Variants in AKT3 observed in about 807,000 individuals in gnomAD.
AKT3 encodes AKT serine/threonine kinase 3.
Under a neutral mutation model 65.3 loss-of-function variants are expected in AKT3, and 15 were observed. The observed-to-expected ratio is 0.23, with a 90% CI of 0.15 to 0.35. The LOEUF (loss-of-function observed/expected upper bound fraction) is 0.35, where lower values mean the gene tolerates loss of function less well. AKT3 is among the 10% of genes least tolerant of loss of function. The pLI, the probability that AKT3 is intolerant of heterozygous loss-of-function variation, is 1.00. For synonymous variants in AKT3, 206 were observed against 183.8 expected, an observed-to-expected ratio of 1.12 and a Z score of -0.98; for missense variants, 243 against 576.5, an observed-to-expected ratio of 0.42 and a Z score of 5.92.
At chr1:243,743,446 G>A (rs1240948653) in intron 2 of AKT3, among the ~76,000 whole-genome samples, 1 of 152,058 alleles carries the variant, frequency 6.6e-6, no homozygotes, top group Non-Finnish European at 1.5e-5. Flanking sequence ...CACTCAGAAG[G>A]TAGCATTTGA....
At chr1:243,566,525 G>A (rs1674169445) in intron 9 of AKT3, among the ~76,000 whole-genome samples, 2 of 152,298 alleles carry the variant, frequency 1.3e-5, no homozygotes, top group South Asian at 4.1e-4. Context: ...GAGAGATGGG[G>A]TAAGGGTCAT....
intron 3 of AKT3, chr1:243,687,746 C>T (rs1230133886): frequency 1.3e-5 from 2 of 151,974 alleles, no homozygotes; most frequent in Non-Finnish European, 2.9e-5. Flanking sequence ...AAATATGTGA[C>T]ATTGTTACAT....
chr1:243,836,910 C>CAAA (rs779727098), intron 2 of AKT3, among the ~76,000 whole-genome samples: 1 of 56,906 alleles, frequency 1.8e-5, no homozygotes, highest in Non-Finnish European at 3.8e-5. Context: ...GACTCCATCT[C>CAAA]AAAAAAAAAA....
chr1:243,594,308 T>C (rs961684875), intron 8 of AKT3, among the ~76,000 whole-genome samples: 2 of 152,222 alleles, frequency 1.3e-5, no homozygotes, highest in Non-Finnish European at 2.9e-5. Flanking sequence ...AGACTCAATA[T>C]TCTTAAATAG....
intron 2 of AKT3, among the ~76,000 whole-genome samples, chr1:243,716,769 T>C (rs1686538133): frequency 6.6e-6 from 1 of 152,230 alleles, no homozygotes; most frequent in African/African-American, 2.4e-5. Context: ...TAGAATAGTA[T>C]TCAGAAGCAG....
At position 243,740,740 on chromosome 1, in the gene AKT3, G is replaced by C. The variant is rs546970219; in HGVS notation, c.47-45024C>G. ...GAAGAGTGCTTGAAAAAGTTGGCCT[G>C]GTTCTGCAATTCAATCAGCAGGTCA... On this transcript the variant is annotated intron_variant, in intron 2 of 13. Coordinates refer to ENST00000673466, the MANE Select transcript of AKT3 (RefSeq NM_005465.7). The C allele has an allele frequency of 7.9e-5, 12 of 152,264 alleles. No individual in the cohort carries two copies. In the South Asian group the frequency reaches 2.3e-3, roughly 29 times the overall value. 9.4% of individuals were successfully genotyped at this position (152,264 alleles called of 1,614,324 possible).
chr1:243,734,180 A>C (rs1687712308), intron 2 of AKT3, among the ~76,000 whole-genome samples: 1 of 152,220 alleles, frequency 6.6e-6, no homozygotes, highest in Non-Finnish European at 1.5e-5. Flanking sequence ...ATATTTCATC[A>C]ATAAAGTATT....
chr1:243,748,426 T>C (rs1252838361), intron 2 of AKT3, among the ~76,000 whole-genome samples: 5 of 152,068 alleles, frequency 3.3e-5, no homozygotes, highest in Non-Finnish European at 7.4e-5. Context: ...AGTGTAAAAC[T>C]ATACTCACAA....
chr1:243,546,024 T>A (rs2148450403), intron 11 of AKT3, among the ~76,000 whole-genome samples: 1 of 152,260 alleles, frequency 6.6e-6, no homozygotes, highest in East Asian at 1.9e-4. Context: ...GCTCCCATAA[T>A]CCCCATGTGT....
intron 3 of AKT3, among the ~76,000 whole-genome samples, chr1:243,672,477 T>C (rs932738002): frequency 6.6e-6 from 1 of 152,288 alleles, no homozygotes; most frequent in Admixed American, 6.5e-5. Context: ...CATAAGCAAA[T>C]AGGAGAGAAG....
Position 243,500,479 on chromosome 1 carries a change from G to C in AKT3, c.*4770C>G, listed in dbSNP as rs534084821. ...TTAGTGAAATTAGAAAATTTACTTAGAGTATATCAAATATCTGTACACAGA... is the reference window on the plus strand; with the variant it reads ...TTAGTGAAATTAGAAAATTTACTTACAGTATATCAAATATCTGTACACAGA... On this transcript the variant is annotated 3_prime_UTR_variant, in exon 14 of 14. Coordinates refer to ENST00000673466, the MANE Select transcript of AKT3 (RefSeq NM_005465.7). The C allele has an allele frequency of 4.4e-6, 1 of 225,964 alleles. No individual in the cohort carries two copies. The highest frequency in any genetic ancestry group is 6.4e-5 in the East Asian group (1 of 15,556). 14.0% of individuals were successfully genotyped at this position (225,964 alleles called of 1,614,324 possible).
intron 2 of AKT3, among the ~76,000 whole-genome samples, chr1:243,756,812 G>C (rs1689169071): frequency 6.6e-6 from 1 of 152,164 alleles, no homozygotes; most frequent in Non-Finnish European, 1.5e-5. Flanking sequence ...CTACAGTGGA[G>C]AAAACTAGTA....
intron 5 of AKT3, among the ~76,000 whole-genome samples, chr1:243,641,503 T>C (rs1680396130): frequency 6.6e-6 from 1 of 151,992 alleles, no homozygotes; most frequent in Non-Finnish European, 1.5e-5. Flanking sequence ...TGCTGTGCCT[T>C]ATTATTAAAT....
intron 2 of AKT3, among the ~76,000 whole-genome samples, chr1:243,775,676 G>C (rs1339910830): frequency 1.3e-5 from 2 of 152,088 alleles, no homozygotes; most frequent in Non-Finnish European, 2.9e-5. Flanking sequence ...TTAACTTAGA[G>C]AAGAAAAAGT....
At chr1:243,673,086 G>A (rs1208696035) in intron 3 of AKT3, among the ~76,000 whole-genome samples, 3 of 152,110 alleles carry the variant, frequency 2.0e-5, no homozygotes, top group Non-Finnish European at 4.4e-5. Context: ...ATAGCCATGG[G>A]CTTTTTAAAA....
At chr1:243,804,930 A>G (rs1014359072) in intron 2 of AKT3, among the ~76,000 whole-genome samples, 14 of 152,126 alleles carry the variant, frequency 9.2e-5, no homozygotes, top group Admixed American at 9.2e-4. Context: ...TTTAAATAGT[A>G]TTAGAGTGTT....
intron 12 of AKT3, among the ~76,000 whole-genome samples, chr1:243,513,900 A>C (rs1038231703): frequency 6.6e-6 from 1 of 152,144 alleles, no homozygotes; most frequent in African/African-American, 2.4e-5. Flanking sequence ...AGGTCACTCC[A>C]CTGCTAGAAA....
At chr1:243,649,338 TGTGTGTGTGTGTGTGTGTGTATGTTGG>T (rs1681101709) in intron 4 of AKT3, among the ~76,000 whole-genome samples, 1 of 150,914 alleles carries the variant, frequency 6.6e-6, no homozygotes, top group South Asian at 2.1e-4. Context: ...TGTGTGTGTG[TGTGTGTGTGTGTGTGTGTGTATGTTGG>T]GTGTGTGTGT....
intron 2 of AKT3, among the ~76,000 whole-genome samples, chr1:243,835,429 A>G (rs1186827873): frequency 1.3e-5 from 2 of 152,162 alleles, no homozygotes; most frequent in Admixed American, 6.5e-5. Context: ...CCCCTACAAC[A>G]TGTTATTTAT....
Sources: gnomAD v4.1 joint callset for allele counts (sites outside exome capture counted in the v4.1 genomes callset) on GRCh38, gnomAD v4.1.1 for gene constraint, MANE v1.5 for transcripts, NCBI Gene and HGNC (gene_info 2026-07-23, HGNC 2026-07-21) for gene names.